Variants in MAPK4 observed in about 807,000 individuals in gnomAD.
The protein encoded by MAPK4 is Erk3-related.
In MAPK4, 22 loss-of-function variants were observed where a neutral mutation model predicts 47.7. That is an observed-to-expected ratio of 0.46 (90% confidence interval 0.33 to 0.66). The LOEUF is 0.66. Among genes scored for constraint, MAPK4 ranks in the 30% least tolerant of loss-of-function variants. The pLI is 0.02. For synonymous variants in MAPK4, 390 were observed against 365.7 expected, an observed-to-expected ratio of 1.07 and a Z score of -0.76; for missense variants, 736 against 831.7, an observed-to-expected ratio of 0.88 and a Z score of 1.42.
At chr18:50,697,303 T>C (rs1336637721) in intron 2 of MAPK4, among the ~76,000 whole-genome samples, 1 of 152,224 alleles carries the variant, frequency 6.6e-6, no homozygotes, top group Non-Finnish European at 1.5e-5. Flanking sequence ...ACAGCAAACC[T>C]ACCGGCGTAG....
At chr18:50,693,306 C>A (rs1026521753) in intron 2 of MAPK4, among the ~76,000 whole-genome samples, 4 of 152,092 alleles carry the variant, frequency 2.6e-5, no homozygotes, top group African/African-American at 4.8e-5. Context: ...ATATATTTTA[C>A]CTGTGCCTGT....
At chr18:50,713,562 C>A (rs1019497653) in intron 2 of MAPK4, among the ~76,000 whole-genome samples, 4 of 152,160 alleles carry the variant, frequency 2.6e-5, no homozygotes, top group Non-Finnish European at 5.9e-5. Flanking sequence ...CTGGGCTATG[C>A]GCAGTAGCTG....
In MAPK4 at chr18:50,702,101, G is replaced by A. The variant is rs182264944; in HGVS notation, c.547-12978G>A. Among the ~76,000 whole-genome samples the A allele has an allele frequency of 2.6e-3, 371 of 144,276 alleles. 1 individual carries two copies. Among genetic ancestry groups the A allele is most frequent in the East Asian group, 5.7e-3 (27 of 4,768 alleles). 94.7% of individuals were successfully genotyped at this position (144,276 alleles called of 152,430 possible). On this transcript the variant is annotated intron_variant, in intron 2 of 5. Coordinates refer to ENST00000400384, the MANE Select transcript of MAPK4 (RefSeq NM_002747.4). ...CGCTTGAGCCCAGGAGGCGGAGGTT[G>A]CAGTGAGCTGAGATCACACCACTGC...
intron 1 of MAPK4, among the ~76,000 whole-genome samples, chr18:50,561,226 TC>T (rs1373320241): frequency 6.6e-6 from 1 of 152,238 alleles, no homozygotes; most frequent in African/African-American, 2.4e-5. Flanking sequence ...GACGTGCATT[TC>T]CATTCATGGA....
chr18:50,657,538 C>T (rs1236831679), intron 1 of MAPK4, among the ~76,000 whole-genome samples: 1 of 152,192 alleles, frequency 6.6e-6, no homozygotes, highest in Non-Finnish European at 1.5e-5. Context: ...GACTGCAGCC[C>T]TGGCCAACAG....
chr18:50,674,269 G>C (rs536183720), intron 2 of MAPK4, among the ~76,000 whole-genome samples: 1 of 152,166 alleles, frequency 6.6e-6, no homozygotes, highest in African/African-American at 2.4e-5. Context: ...GGTTTATATC[G>C]AAGAAGGATA....
Position 50,729,402 on chromosome 18 carries a change from C to A in MAPK4, c.1312C>A (p.Leu438Met). The A allele has an allele frequency of 6.4e-7, 1 of 1,559,604 alleles. No individual in the cohort carries two copies. The highest frequency in any genetic ancestry group is 8.7e-7 in the Non-Finnish European group (1 of 1,154,766). Residue 438 changes from leucine to methionine, a missense_variant, in exon 6 of 6, where the codon CTG becomes ATG. Transcript: ENST00000400384. ...CDYKVGSPSY[L>M]DKLLWRDNKP... is the part of the protein sequence containing the mutation. ...CTACAAGGTGGGGTCGCCGTCCTAC[C>A]TGGACAAGCTGCTGTGGCGCGACAA... is the stretch of plus-strand genomic sequence containing the variant.
intron 3 of MAPK4, among the ~76,000 whole-genome samples, chr18:50,719,813 ACTGT>A (rs1406437687): frequency 2.0e-5 from 3 of 152,198 alleles, no homozygotes; most frequent in Non-Finnish European, 4.4e-5. Context: ...CTTCAGGCTC[ACTGT>A]CTGTGGTCAC....
At chr18:50,574,888 C>T (rs774512714) in intron 1 of MAPK4, among the ~76,000 whole-genome samples, 7 of 152,174 alleles carry the variant, frequency 4.6e-5, no homozygotes, top group Non-Finnish European at 8.8e-5. Context: ...AGGTGCACAA[C>T]ATCAATGTGA....
rs79012194 is a variant in MAPK4, at chr18:50,676,826, A to C, written c.546+12322A>C. 3.2e-3 allele frequency among the ~76,000 whole-genome samples: 482 copies of C among 152,338 alleles called. 5 individuals are homozygous for C. The highest frequency in any genetic ancestry group is 0.011 in the African/African-American group (458 of 41,588). On this transcript the variant is annotated intron_variant, in intron 2 of 5. Coordinates refer to ENST00000400384, the MANE Select transcript of MAPK4 (RefSeq NM_002747.4). ...TTTGTGTAATAATAGTAAGTTTGAA[A>C]AGCAAGATACAGAATTATGAAGATG...
chr18:50,723,227 A>C (rs986168051), intron 4 of MAPK4, among the ~76,000 whole-genome samples: 2 of 152,168 alleles, frequency 1.3e-5, no homozygotes, highest in African/African-American at 4.8e-5. Flanking sequence ...GGTGGCTTTC[A>C]AGGTCACCTT....
intron 1 of MAPK4, among the ~76,000 whole-genome samples, chr18:50,652,075 C>T (rs2043056012): frequency 6.6e-6 from 1 of 152,218 alleles, no homozygotes; most frequent in East Asian, 1.9e-4. Flanking sequence ...TTGTTCTTCT[C>T]TCATGAGTAA....
chr18:50,646,074 GGCATCAATTCCA>G (rs1454231880), intron 1 of MAPK4, among the ~76,000 whole-genome samples: 1 of 152,220 alleles, frequency 6.6e-6, no homozygotes, highest in Non-Finnish European at 1.5e-5. Context: ...AAAAATGGAA[GGCATCAATTCCA>G]GCTAACAGGC....
chr18:50,719,977 C>A (rs995445440), intron 3 of MAPK4, among the ~76,000 whole-genome samples: 1 of 152,210 alleles, frequency 6.6e-6, no homozygotes, highest in African/African-American at 2.4e-5. Context: ...CCAGGAGATT[C>A]CTGTCCCTGT....
chr18:50,653,476 A>T (rs913603343), intron 1 of MAPK4, among the ~76,000 whole-genome samples: 4 of 152,222 alleles, frequency 2.6e-5, no homozygotes, highest in Non-Finnish European at 5.9e-5. Context: ...GAAAAACAGA[A>T]GCAAGCACTC....
chr18:50,713,562 C>T (rs1019497653), intron 2 of MAPK4, among the ~76,000 whole-genome samples: 21 of 152,160 alleles, frequency 1.4e-4, no homozygotes, highest in African/African-American at 2.9e-4. Context: ...CTGGGCTATG[C>T]GCAGTAGCTG....
intron 1 of MAPK4, among the ~76,000 whole-genome samples, chr18:50,635,933 C>T (rs2042883479): frequency 6.6e-6 from 1 of 152,224 alleles, no homozygotes; most frequent in Admixed American, 6.5e-5. Flanking sequence ...TCCACTAGGC[C>T]TTGATGGCCT....
rs2042743611 is a variant in MAPK4 at position 50,622,749 on chromosome 18, A to T, written c.-870-40340A>T. Among the ~76,000 whole-genome samples, 6 of 152,376 alleles carry T rather than the reference A, an allele frequency of 3.9e-5. No individual in the cohort carries two copies. The South Asian group carries it at 1.2e-3, about 32-fold the overall frequency. On this transcript the variant is annotated intron_variant, in intron 1 of 5. Transcript: ENST00000400384. ...AGCATTTGTTTAAAGAATAATAATG[A>T]ACCAGGCTGCAAAAGACCATTTTGT...
At chr18:50,685,561 G>C (rs1908831478) in intron 2 of MAPK4, among the ~76,000 whole-genome samples, 1 of 152,226 alleles carries the variant, frequency 6.6e-6, no homozygotes, top group African/African-American at 2.4e-5. Flanking sequence ...GGAGGCACCG[G>C]GATGGCATAA....
Sources: allele counts gnomAD v4.1 joint callset (sites outside exome capture counted in the v4.1 genomes callset), GRCh38; gene constraint gnomAD v4.1.1; transcripts MANE v1.5; gene names NCBI Gene and HGNC (gene_info 2026-07-23, HGNC 2026-07-21).